ZFHX3: variants seen among roughly 807,000 people sequenced by gnomAD.
The protein encoded by ZFHX3 is zinc finger homeobox 3.
Under a neutral mutation model 279.1 loss-of-function variants are expected in ZFHX3, and 42 were observed. That is an observed-to-expected ratio of 0.15 (90% confidence interval 0.12 to 0.19). The LOEUF is 0.19. Ranked by LOEUF, ZFHX3 falls within the 10% of genes least tolerant of loss-of-function variation. The probability of loss-of-function intolerance (pLI) is 1.00; values close to 1 mark genes in which losing one functional copy is unlikely to be tolerated. For missense variants in ZFHX3, 4,981 were observed against 4,754.0 expected (o/e 1.05, Z -1.40); for synonymous variants, 2,293 against 1,957.8 (o/e 1.17, Z -4.52).
intron 5 of ZFHX3, among the ~76,000 whole-genome samples, chr16:73,237,288 C>T (rs972408900): frequency 6.6e-6 from 1 of 152,190 alleles, no homozygotes. Context: ...TAGGGTCTTG[C>T]TGTGTTGTCC....
At chr16:73,866,231 G>C (rs1431093183) in intron 1 of ZFHX3, among the ~76,000 whole-genome samples, 1 of 135,816 alleles carries the variant, frequency 7.4e-6, no homozygotes, top group East Asian at 2.2e-4. Context: ...CCTGTCTAGA[G>C]TGCAGTGGTA....
chr16:73,033,583 C>T (rs1363501932), intron 1 of ZFHX3, among the ~76,000 whole-genome samples: 13 of 152,136 alleles, frequency 8.5e-5, no homozygotes, highest in Non-Finnish European at 1.8e-4. Context: ...ACTTTTCACC[C>T]GGGGTCAGAC....
At chr16:73,706,248 G>A (rs1465807495) in intron 1 of ZFHX3, among the ~76,000 whole-genome samples, 1 of 152,014 alleles carries the variant, frequency 6.6e-6, no homozygotes, top group African/African-American at 2.4e-5. Context: ...ATCACCTGAG[G>A]TCAGGAGTTT....
chr16:73,710,842 G>A (rs986052343), intron 1 of ZFHX3, among the ~76,000 whole-genome samples: 2 of 152,120 alleles, frequency 1.3e-5, no homozygotes, highest in African/African-American at 4.8e-5. Context: ...CTTTATTACT[G>A]GTCAATTTGG....
chr16:73,080,428 T>A (rs1362209701), intron 8 of ZFHX3, among the ~76,000 whole-genome samples: 1 of 152,210 alleles, frequency 6.6e-6, no homozygotes, highest in African/African-American at 2.4e-5. Context: ...TTGGGCCACC[T>A]AGTCTATGAT....
At chr16:73,049,210 A>T (rs1024464457), upstream of ZFHX3, among the ~76,000 whole-genome samples, 6 of 152,190 alleles carry the variant, frequency 3.9e-5, no homozygotes, top group African/African-American at 1.4e-4. Context: ...CCCTGTCAGA[A>T]TCCCACCCTC....
At chr16:73,755,940 G>A (rs1055959353) in intron 1 of ZFHX3, among the ~76,000 whole-genome samples, 25 of 152,196 alleles carry the variant, frequency 1.6e-4, no homozygotes, top group African/African-American at 5.8e-4. Context: ...ACAGTGGCTG[G>A]CTCCTGTTGG....
At chr16:73,759,953 A>T (rs1035152186) in intron 1 of ZFHX3, among the ~76,000 whole-genome samples, 8 of 151,902 alleles carry the variant, frequency 5.3e-5, no homozygotes, top group Non-Finnish European at 5.9e-5. Flanking sequence ...TCAGAGGGGA[A>T]CTAAAGGAGA....
At chr16:73,837,264 G>C (rs1961167942) in intron 1 of ZFHX3, among the ~76,000 whole-genome samples, 1 of 152,166 alleles carries the variant, frequency 6.6e-6, no homozygotes, top group East Asian at 1.9e-4. Context: ...ATGGTTGTTT[G>C]ATCAAACCTC....
chr16:73,540,668 AT>A (rs1477648108), intron 2 of ZFHX3, among the ~76,000 whole-genome samples: 13 of 152,212 alleles, frequency 8.5e-5, no homozygotes, highest in African/African-American at 3.1e-4. Context: ...TCTTTAAATA[AT>A]ACCAGTCTGA....
intron 2 of ZFHX3, among the ~76,000 whole-genome samples, chr16:73,549,428 G>A (rs1330676636): frequency 6.6e-6 from 1 of 152,066 alleles, no homozygotes; most frequent in Non-Finnish European, 1.5e-5. Flanking sequence ...GAAAACGGCA[G>A]TCATGATAGG....
chr16:73,519,519 C>A (rs2019577259), intron 2 of ZFHX3, among the ~76,000 whole-genome samples: 1 of 152,108 alleles, frequency 6.6e-6, no homozygotes, highest in Non-Finnish European at 1.5e-5. Context: ...GAATGATGTA[C>A]CTTTGAGCTT....
chr16:73,139,504 C>A (rs1393785019), intron 6 of ZFHX3, among the ~76,000 whole-genome samples: 1 of 152,088 alleles, frequency 6.6e-6, no homozygotes, highest in Admixed American at 6.6e-5. Flanking sequence ...AAAAATAAAG[C>A]TTAAAGCTAG....
intron 2 of ZFHX3, among the ~76,000 whole-genome samples, chr16:73,583,136 C>T (rs896343187): frequency 6.6e-6 from 1 of 152,194 alleles, no homozygotes; most frequent in African/African-American, 2.4e-5. Flanking sequence ...GCAGAAAACT[C>T]AACCTGCACT....
chr16:73,028,843 T>C (rs1964600598), intron 1 of ZFHX3, among the ~76,000 whole-genome samples: 1 of 152,262 alleles, frequency 6.6e-6, no homozygotes, highest in South Asian at 2.1e-4. Flanking sequence ...AAAGTTCCTC[T>C]GTTGTGAGCA....
At chr16:73,615,014 C>T (rs2143891075) in intron 2 of ZFHX3, among the ~76,000 whole-genome samples, 1 of 152,180 alleles carries the variant, frequency 6.6e-6, no homozygotes, top group South Asian at 2.1e-4. Flanking sequence ...CCCACGTCGG[C>T]CTCCCAAAGT....
At chr16:73,144,848 G>T (rs1966856641) in intron 5 of ZFHX3, among the ~76,000 whole-genome samples, 1 of 152,052 alleles carries the variant, frequency 6.6e-6, no homozygotes, top group Admixed American at 6.6e-5. Flanking sequence ...GTGTTATAAA[G>T]CACATCTCAA....
Position 72,958,328 on chromosome 16 carries a change from A to G in ZFHX3, c.1818T>C (p.Asn606=). 6.2e-7 allele frequency: 1 copy of G among 1,613,958 alleles called. No homozygotes were observed. The highest frequency in any genetic ancestry group is 2.2e-5 in the East Asian group (1 of 44,858). Reference sequence around the variant, plus strand: ...CCCCATCGTCACCCTCTGTGCTTTCATTTGGTTCTGGTGCTGTGGCATTGT... The same window carrying G: ...CCCCATCGTCACCCTCTGTGCTTTCGTTTGGTTCTGGTGCTGTGGCATTGT... ...NKDNATAPEP[N]ESTEGDDGGF... Residue 606 remains asparagine, a synonymous_variant, in exon 2 of 10, where the codon AAT becomes AAC. Coordinates refer to ENST00000268489, the MANE Select transcript of ZFHX3 (RefSeq NM_006885.4).
chr16:73,213,377 G>A (rs1309256507), intron 5 of ZFHX3, among the ~76,000 whole-genome samples: 1 of 152,144 alleles, frequency 6.6e-6, no homozygotes, highest in African/African-American at 2.4e-5. Flanking sequence ...TCAACTGTAA[G>A]CACCAATTAT....
Sources: gnomAD v4.1 joint callset for allele counts (sites outside exome capture counted in the v4.1 genomes callset) on GRCh38, gnomAD v4.1.1 for gene constraint, MANE v1.5 for transcripts, NCBI Gene and HGNC (gene_info 2026-07-23, HGNC 2026-07-21) for gene names.